Variants in BSPH1 observed in about 807,000 individuals in gnomAD.
BSPH1 encodes binder of sperm protein homolog 1.
In BSPH1, 21 loss-of-function variants were observed where a neutral mutation model predicts 22.5. The ratio of observed to expected loss-of-function variants is 0.93; its 90% CI spans 0.66 to 1.35. The LOEUF (loss-of-function observed/expected upper bound fraction) is 1.35, where lower values mean the gene tolerates loss of function less well. BSPH1 is among the 40% of genes most tolerant of loss of function. The pLI is 0.00. For missense variants in BSPH1, 141 were observed against 154.2 expected (o/e 0.91, Z 0.45); for synonymous variants, 42 against 53.6 (o/e 0.78, Z 0.95).
chr19:47,988,312 G>T (rs544747343), intron 1 of BSPH1, among the ~76,000 whole-genome samples: 2 of 152,136 alleles, frequency 1.3e-5, no homozygotes, highest in Non-Finnish European at 2.9e-5. Flanking sequence ...TGTTCTGAGC[G>T]TCACGCATGC....
intron 1 of BSPH1, among the ~76,000 whole-genome samples, chr19:47,986,359 C>T (rs2080289065): frequency 6.6e-6 from 1 of 152,136 alleles, no homozygotes; most frequent in African/African-American, 2.4e-5. Context: ...AGTTGGGGTC[C>T]TTGGGTACCA....
chr19:47,980,883 G>T (rs1169678003), intron 2 of BSPH1, 38 bp downstream of exon 2: 2 of 1,289,760 alleles, frequency 1.6e-6, no homozygotes, highest in East Asian at 5.3e-5. Flanking sequence ...GCAAAAATTT[G>T]AAAAGAAACG....
intron 1 of BSPH1, among the ~76,000 whole-genome samples, chr19:47,988,780 G>A (rs1341763626): frequency 6.6e-6 from 1 of 151,862 alleles, no homozygotes; most frequent in Non-Finnish European, 1.5e-5. Flanking sequence ...TCCCCGCAAG[G>A]GACCCCACTC....
intron 1 of BSPH1, among the ~76,000 whole-genome samples, chr19:47,981,213 C>T (rs1391509966): frequency 6.6e-6 from 1 of 151,858 alleles, no homozygotes; most frequent in Admixed American, 6.6e-5. Context: ...ATTTACTTTT[C>T]TCACATTTTT....
At chr19:47,983,253 C>T (rs1488292535) in intron 1 of BSPH1, among the ~76,000 whole-genome samples, 1 of 152,156 alleles carries the variant, frequency 6.6e-6, no homozygotes, top group East Asian at 1.9e-4. Flanking sequence ...ACTACAGAAA[C>T]CATGAGATTC....
At chr19:47,986,780 C>A (rs929072430) in intron 1 of BSPH1, among the ~76,000 whole-genome samples, 4 of 151,948 alleles carry the variant, frequency 2.6e-5, no homozygotes, top group African/African-American at 9.7e-5. Context: ...TAAAAAAAAT[C>A]TAGACAAAGT....
intron 5 of BSPH1, among the ~76,000 whole-genome samples, chr19:47,975,301 G>A (rs1215097650): frequency 4.6e-5 from 7 of 152,160 alleles, no homozygotes; most frequent in Admixed American, 2.0e-4. Flanking sequence ...AAAGTGCTGG[G>A]ATTACAGGCG....
chr19:47,968,343 T>C (rs1203737558), intron 5 of BSPH1, 134 bp from the exon 6 acceptor site: 1 of 148,216 alleles, frequency 6.7e-6, no homozygotes, highest in Non-Finnish European at 1.5e-5. Context: ...GCATATAAAA[T>C]CAGTCTCTCT....
At chr19:47,984,499 C>A (rs1969450647) in intron 1 of BSPH1, among the ~76,000 whole-genome samples, 1 of 151,696 alleles carries the variant, frequency 6.6e-6, no homozygotes, top group Non-Finnish European at 1.5e-5. Context: ...TTAAAAATAC[C>A]CTTATTTGAA....
chr19:47,970,154 G>T (rs1049096846), intron 5 of BSPH1, among the ~76,000 whole-genome samples: 4 of 152,112 alleles, frequency 2.6e-5, no homozygotes, highest in African/African-American at 9.7e-5. Flanking sequence ...CGCCTCCTGG[G>T]TTCAAGTGGT....
intron 1 of BSPH1, among the ~76,000 whole-genome samples, chr19:47,988,649 T>C (rs913319128): frequency 3.9e-5 from 6 of 152,154 alleles, no homozygotes; most frequent in African/African-American, 1.2e-4. Flanking sequence ...CAAACGTTTG[T>C]TGACATCAAA....
chr19:47,981,519 A>C (rs1969419671), intron 1 of BSPH1, among the ~76,000 whole-genome samples: 2 of 152,224 alleles, frequency 1.3e-5, no homozygotes, highest in Non-Finnish European at 2.9e-5. Context: ...CATCTTAGAG[A>C]TAAAGTTCAG....
At chr19:47,985,923 C>T (rs1037032743) in intron 1 of BSPH1, among the ~76,000 whole-genome samples, 20 of 152,078 alleles carry the variant, frequency 1.3e-4, no homozygotes, top group Non-Finnish European at 1.6e-4. Flanking sequence ...CCCCTGAACC[C>T]GATCACTTTT....
chr19:47,980,214 A>AATTT (rs1254638187), intron 2 of BSPH1, among the ~76,000 whole-genome samples: 3 of 151,760 alleles, frequency 2.0e-5, no homozygotes, highest in Admixed American at 6.6e-5. Flanking sequence ...AATAATAATT[A>AATTT]AAAAATATTC....
chr19:47,973,085 C>T lies in BSPH1; in HGVS notation c.*2+3625G>A, dbSNP rs1226176518. On this transcript the variant is annotated intron_variant, in intron 5 of 5. Transcript: ENST00000344839. Reference sequence around the variant, plus strand: ...ACAAAAAATTAGCCTGGCGTGGTGGCGGGCGCCTGTAGTCCCAGCTTCTCG... The same window carrying T: ...ACAAAAAATTAGCCTGGCGTGGTGGTGGGCGCCTGTAGTCCCAGCTTCTCG... Among the ~76,000 whole-genome samples the T allele has an allele frequency of 3.3e-5, 5 of 151,618 alleles. No homozygotes were observed. The South Asian group carries it at 6.3e-4, about 19-fold the overall frequency.
intron 1 of BSPH1, among the ~76,000 whole-genome samples, chr19:47,990,250 A>G (rs1197850853): frequency 3.9e-5 from 6 of 152,146 alleles, no homozygotes; most frequent in Non-Finnish European, 5.9e-5. Flanking sequence ...CATTTAAAAT[A>G]CAGGCTAACG....
intron 1 of BSPH1, among the ~76,000 whole-genome samples, chr19:47,984,674 A>C (rs2099050): frequency 0.68 from 104,051 of 151,932 alleles, 36,115 homozygotes; most frequent in African/African-American, 0.79. Flanking sequence ...ACATGTTCTC[A>C]CTTATAAGTG....
intron 5 of BSPH1, among the ~76,000 whole-genome samples, chr19:47,971,443 T>C (rs908472255): frequency 2.0e-5 from 3 of 152,214 alleles, no homozygotes; most frequent in African/African-American, 7.2e-5. Flanking sequence ...TGACCTCAGG[T>C]GATCTGCCCG....
intron 1 of BSPH1, among the ~76,000 whole-genome samples, chr19:47,990,606 T>A (rs1317513536): frequency 6.7e-6 from 1 of 148,484 alleles, no homozygotes; most frequent in African/African-American, 2.5e-5. Flanking sequence ...TAAAAAAAAA[T>A]AGCAAGCAGT....
Sources: allele counts gnomAD v4.1 joint callset (sites outside exome capture counted in the v4.1 genomes callset), GRCh38; gene constraint gnomAD v4.1.1; transcripts MANE v1.5; gene names NCBI Gene and HGNC (gene_info 2026-07-23, HGNC 2026-07-21).